Variants in CRACD observed in about 807,000 individuals in gnomAD.
CRACD encodes capping protein inhibiting regulator of actin dynamics.
A neutral mutation model predicts 106.8 loss-of-function variants in CRACD; 56 were observed. That is an observed-to-expected ratio of 0.52 (90% CI 0.42 to 0.66). The LOEUF (loss-of-function observed/expected upper bound fraction) is 0.66. CRACD is among the 30% of genes least tolerant of loss of function. The probability of loss-of-function intolerance (pLI) is 0.00; values close to 1 mark genes in which losing one functional copy is unlikely to be tolerated. For synonymous variants in CRACD, 754 were observed against 670.8 expected (o/e 1.12, Z -1.92); for missense variants, 1,730 against 1,623.2 (o/e 1.07, Z -1.13).
At chr4:56,181,959 G>A (rs1736847583) in intron 2 of CRACD, among the ~76,000 whole-genome samples, 1 of 152,052 alleles carries the variant, frequency 6.6e-6, no homozygotes, top group South Asian at 2.1e-4. Flanking sequence ...ACTTTTTGGG[G>A]GATACAATTC....
Position 56,324,294 on chromosome 4 carries a change from CTG to C in CRACD, c.3541+30_3541+31del, listed in dbSNP as rs770846384. ...AGAGAGCAGGTCCATTGCTTTGTAA[CTG>C]TAGTTCCAGGTTTCTCTTTGTAGAG... On this transcript the variant is annotated intron_variant, in intron 10 of 10. Coordinates refer to ENST00000682029, the MANE Select transcript of CRACD (RefSeq NM_001393381.1). The C allele has an allele frequency of 8.8e-6, 14 of 1,595,360 alleles. No homozygotes were observed. The South Asian group carries it at 1.4e-4, about 15-fold the overall frequency.
intron 2 of CRACD, among the ~76,000 whole-genome samples, chr4:56,191,033 A>G (rs1737346645): frequency 6.6e-6 from 1 of 152,220 alleles, no homozygotes; most frequent in Admixed American, 6.5e-5. Context: ...GCCAAACCAT[A>G]TCATGGGACT....
chr4:56,291,387 C>A (rs948181916), intron 3 of CRACD, among the ~76,000 whole-genome samples: 8 of 152,134 alleles, frequency 5.3e-5, no homozygotes, highest in Non-Finnish European at 1.2e-4. Flanking sequence ...ATTTGCACTT[C>A]CCAGATGGTT....
At position 56,315,630 on chromosome 4, in the gene CRACD, C is replaced by G. The variant is rs977713314; in HGVS notation, c.2128C>G (p.Arg710Gly). Residue 710 changes from arginine (R) to glycine (G), a missense_variant, in exon 8 of 11, where the codon CGG (arginine) becomes GGG (glycine). Transcript: ENST00000682029. The surrounding 1 kb of genome is among the most constrained non-coding windows in gnomAD (Gnocchi z 4.1). ...RGRCDSRGNQ[R>G]KTPPVNAKFS... ...CCGGTGTGATTCCCGCGGGAACCAA[C>G]GGAAGACTCCGCCAGTCAATGCAAA... is the stretch of plus-strand genomic sequence containing the variant. 5.0e-6 allele frequency: 8 copies of G among 1,614,208 alleles called. No individual in the cohort carries two copies.
At chr4:56,165,859 A>G (rs1482228046) in intron 1 of CRACD, among the ~76,000 whole-genome samples, 3 of 152,188 alleles carry the variant, frequency 2.0e-5, no homozygotes, top group Non-Finnish European at 4.4e-5. Context: ...TTGCTAGTGG[A>G]AATTGAATTT....
At chr4:56,203,942 G>A (rs888290096) in intron 2 of CRACD, among the ~76,000 whole-genome samples, 3 of 152,348 alleles carry the variant, frequency 2.0e-5, no homozygotes, top group Middle Eastern at 3.4e-3. Flanking sequence ...TGCTGTTTGA[G>A]AATGAAAGAA....
At chr4:56,245,104 C>G (rs756924247) in intron 2 of CRACD, among the ~76,000 whole-genome samples, 21 of 152,234 alleles carry the variant, frequency 1.4e-4, no homozygotes, top group Non-Finnish European at 2.8e-4. Flanking sequence ...CTGCCTTCAT[C>G]TAGAAATGTT....
At chr4:56,278,834 A>G (rs1742829570) in intron 3 of CRACD, among the ~76,000 whole-genome samples, 1 of 152,174 alleles carries the variant, frequency 6.6e-6, no homozygotes, top group African/African-American at 2.4e-5. Flanking sequence ...AAAGGATTCT[A>G]ATAGACATCG....
Position 56,136,592 on chromosome 4 carries a change from TG to T in CRACD, c.-335-42689del, listed in dbSNP as rs529400998. Among the ~76,000 whole-genome samples the T allele has an allele frequency of 6.4e-3, 980 of 152,322 alleles. 14 individuals carry two copies. Among genetic ancestry groups the T allele is most frequent in the African/African-American group, 0.022 (930 of 41,556 alleles). The stretch of plus-strand genomic sequence containing the variant: ...TCAAGTCTTTTGCCCATTTTCTTAC[TG>T]GGTGCTTTGATTTTTTATTATTGAA... On this transcript the variant is annotated intron_variant, in intron 1 of 10. Transcript: ENST00000682029.
chr4:56,306,992 G>A (rs1283907122), intron 4 of CRACD, among the ~76,000 whole-genome samples: 1 of 152,184 alleles, frequency 6.6e-6, no homozygotes, highest in African/African-American at 2.4e-5. Flanking sequence ...GCAATGTTCT[G>A]GTTTGGGGTC....
At chr4:56,214,861 A>C (rs1007466942) in intron 2 of CRACD, among the ~76,000 whole-genome samples, 13 of 150,542 alleles carry the variant, frequency 8.6e-5, no homozygotes, top group African/African-American at 3.2e-4. Flanking sequence ...AAACATAAAA[A>C]ATTGGTTGGG....
chr4:56,189,446 C>G (rs965011218), intron 2 of CRACD, among the ~76,000 whole-genome samples: 2 of 149,976 alleles, frequency 1.3e-5, no homozygotes, highest in East Asian at 2.0e-4. Context: ...TGTGCACAAC[C>G]TGCAGGTTTG....
chr4:56,058,490 C>G (rs935256205), intron 1 of CRACD, among the ~76,000 whole-genome samples: 11 of 152,132 alleles, frequency 7.2e-5, no homozygotes, highest in African/African-American at 2.7e-4. Flanking sequence ...AGAAAGCATA[C>G]GAACCGTGAG....
At chr4:56,310,956 T>C in intron 6 of CRACD, 1 of 523,744 alleles carries the variant, frequency 1.9e-6, no homozygotes, top group South Asian at 2.1e-5. Flanking sequence ...AAACTAGCCA[T>C]ACTCCCAGCA....
intron 1 of CRACD, among the ~76,000 whole-genome samples, chr4:56,136,310 A>G (rs1191825586): frequency 1.3e-5 from 2 of 152,156 alleles, no homozygotes; most frequent in Non-Finnish European, 2.9e-5. Context: ...TGGTAGGTGT[A>G]TGTTTAAGGT....
chr4:56,297,396 G>A (rs1744114311), intron 3 of CRACD, among the ~76,000 whole-genome samples: 1 of 152,098 alleles, frequency 6.6e-6, no homozygotes, highest in African/African-American at 2.4e-5. Flanking sequence ...TTCAAAACCA[G>A]CCTGGGTAAC....
chr4:56,152,652 T>C (rs1651684231), intron 1 of CRACD, among the ~76,000 whole-genome samples: 1 of 152,004 alleles, frequency 6.6e-6, no homozygotes, highest in Admixed American at 6.6e-5. Context: ...TGAGCTATGA[T>C]TACACCTCTG....
intron 2 of CRACD, among the ~76,000 whole-genome samples, chr4:56,212,138 A>G (rs1738441780): frequency 6.6e-6 from 1 of 152,238 alleles, no homozygotes; most frequent in South Asian, 2.1e-4. Context: ...CAAGATGGCG[A>G]TGAGAGTCAC....
At chr4:56,290,645 G>A (rs1743653056) in intron 3 of CRACD, among the ~76,000 whole-genome samples, 1 of 152,166 alleles carries the variant, frequency 6.6e-6, no homozygotes. Context: ...ATGTTTCAAA[G>A]CCCAACCTGT....
Sources: allele counts gnomAD v4.1 joint callset (sites outside exome capture counted in the v4.1 genomes callset), GRCh38; gene constraint gnomAD v4.1.1; non-coding constraint Gnocchi (gnomAD v3.1); transcripts MANE v1.5; gene names NCBI Gene and HGNC (gene_info 2026-07-23, HGNC 2026-07-21).